FAF2: variants seen among roughly 807,000 people sequenced by gnomAD.
The protein encoded by FAF2 is Fas associated factor family member 2.
Under a neutral mutation model 62.3 loss-of-function variants are expected in FAF2, and 9 were observed. That is an observed-to-expected ratio of 0.14 (90% confidence interval 0.09 to 0.25). The LOEUF is 0.25. Among genes scored for constraint, FAF2 ranks in the 10% least tolerant of loss-of-function variants. The pLI is 1.00. For synonymous variants in FAF2, 202 were observed against 198.0 expected (o/e 1.02, Z -0.17); for missense variants, 368 against 556.2 (o/e 0.66, Z 3.40).
intron 1 of FAF2, among the ~76,000 whole-genome samples, chr5:176,462,693 GT>G (rs1224614560): frequency 2.6e-5 from 4 of 152,142 alleles, no homozygotes; most frequent in Admixed American, 6.5e-5. Flanking sequence ...CTCATGTCAA[GT>G]TTTAAGATTG....
chr5:176,466,868 T>A (rs576340868), intron 1 of FAF2, among the ~76,000 whole-genome samples: 175 of 148,360 alleles, frequency 1.2e-3, no homozygotes, highest in African/African-American at 4.3e-3. Flanking sequence ...CTGTGCATTT[T>A]ACTAGAGATT....
Position 176,479,202 on chromosome 5 carries a change from C to G in FAF2, c.78C>G (p.Ile26Met). 2 of 1,613,792 alleles carry G rather than the reference C, an allele frequency of 1.2e-6. No homozygotes were observed. The highest frequency in any genetic ancestry group is 1.1e-5 in the South Asian group (1 of 91,076). ...KLLQFQDLTG[I>M]ESMDQCRHTL... is the part of the protein sequence containing the mutation. The stretch of plus-strand genomic sequence containing the variant: ...CTTCTTTTCAGGATCTCACTGGCAT[C>G]GAATCTATGGATCAGTGTCGCCATA... Residue 26 changes from isoleucine to methionine, a missense_variant, in exon 2 of 11, where the codon ATC (isoleucine) becomes ATG (methionine). Physicochemically the swap from Ile to Met is conservative, Grantham distance 10. Transcript: ENST00000261942.
At chr5:176,459,231 A>C (rs1758332063) in intron 1 of FAF2, among the ~76,000 whole-genome samples, 1 of 150,560 alleles carries the variant, frequency 6.6e-6, no homozygotes, top group African/African-American at 2.4e-5. Flanking sequence ...GAAAGAAGAA[A>C]GCCAAAATTC....
At chr5:176,464,125 GT>G (rs1434472161) in intron 1 of FAF2, among the ~76,000 whole-genome samples, 18 of 151,456 alleles carry the variant, frequency 1.2e-4, no homozygotes, top group Non-Finnish European at 2.1e-4. Flanking sequence ...TCTTTTTTTT[GT>G]TTCTTTTTTT....
At chr5:176,482,672 C>A (rs1223683781) in intron 2 of FAF2, among the ~76,000 whole-genome samples, 2 of 152,128 alleles carry the variant, frequency 1.3e-5, no homozygotes, top group Non-Finnish European at 2.9e-5. Context: ...CCACATCCAG[C>A]TAATATTTTA....
At chr5:176,493,279 C>T (rs1472221242) in intron 5 of FAF2, among the ~76,000 whole-genome samples, 1 of 152,228 alleles carries the variant, frequency 6.6e-6, no homozygotes, top group Admixed American at 6.5e-5. Context: ...TCAACAAAAA[C>T]TGAGCACCTA....
rs138830956 is a variant in FAF2, at chr5:176,498,848, A to G, written c.840-66A>G. The G allele has an allele frequency of 6.9e-4, 973 of 1,409,666 alleles. 3 individuals carry two copies. In the African/African-American group the frequency reaches 0.013, roughly 18 times the overall value. The allele number at this position is 1,409,666 out of a possible 1,614,324, so 87.3% of individuals were successfully genotyped here. ...ACACACACACACACAGAAGATTTCA[A>G]TATAAGAAAACACAGAACTTTGTGA... On this transcript the variant is annotated intron_variant, in intron 8 of 10. Coordinates refer to ENST00000261942, the MANE Select transcript of FAF2 (RefSeq NM_014613.3).
Position 176,498,896 on chromosome 5 carries a change from CT to C in FAF2, c.840-14del, listed in dbSNP as rs762577455. 6.5e-7 allele frequency: 1 copy of C among 1,529,882 alleles called. No homozygotes were observed. The highest frequency in any genetic ancestry group is 8.8e-7 in the Non-Finnish European group (1 of 1,135,222). The allele number at this position is 1,529,882 out of a possible 1,614,324, so 94.8% of individuals were successfully genotyped here. On this transcript the variant is annotated splice_polypyrimidine_tract_variant and intron_variant, in intron 8 of 10. Transcript: ENST00000261942. ...TGAGAGTGCTGTTTTTCTTCTCTTG[CT>C]TTTGATCTATTCACAGGGAAGAAAG...
Position 176,498,959 on chromosome 5 carries a change from G to A in FAF2, c.885G>A (p.Glu295=), listed in dbSNP as rs766021797. ...QTQVLRQQQD[E]AYLASLRADQ... ...AAGTGCTGAGACAACAGCAGGATGA[G>A]GCCTACCTGGCCTCTCTCAGAGCTG... Residue 295 remains glutamate, a synonymous_variant, in exon 9 of 11, where the codon GAG becomes GAA. Transcript: ENST00000261942. 1.2e-6 allele frequency: 2 copies of A among 1,612,486 alleles called. No homozygotes were observed. The highest frequency in any genetic ancestry group is 1.1e-5 in the South Asian group (1 of 90,886).
chr5:176,451,797 TACATATATATATACAC>T (rs1561813372), intron 1 of FAF2, among the ~76,000 whole-genome samples: 6 of 51,774 alleles, frequency 1.2e-4, no homozygotes, highest in African/African-American at 4.3e-4. Flanking sequence ...TATATATATA[TACATATATATATACAC>T]ACATATATAT....
chr5:176,498,089 C>T (rs1227151814), intron 8 of FAF2, among the ~76,000 whole-genome samples: 1 of 152,046 alleles, frequency 6.6e-6, no homozygotes, highest in Non-Finnish European at 1.5e-5. Flanking sequence ...GTCATGATCG[C>T]ACCACTGCAC....
chr5:176,470,255 C>A (rs1252852193), intron 1 of FAF2, among the ~76,000 whole-genome samples: 2 of 152,242 alleles, frequency 1.3e-5, no homozygotes, highest in African/African-American at 4.8e-5. Flanking sequence ...GCCTCTCACG[C>A]TACCCCATTT....
At chr5:176,481,865 G>A (rs561805300) in intron 2 of FAF2, among the ~76,000 whole-genome samples, 2 of 152,130 alleles carry the variant, frequency 1.3e-5, no homozygotes, top group Non-Finnish European at 1.5e-5. Flanking sequence ...TTTCCTTTGG[G>A]TCTATACCTA....
intron 2 of FAF2, 39 bp downstream of exon 2, chr5:176,479,295 T>C (rs1396909433): frequency 2.0e-6 from 3 of 1,522,314 alleles, no homozygotes; most frequent in Non-Finnish European, 2.7e-6. Flanking sequence ...TCTTTTTCTC[T>C]GGTCTGATTA....
chr5:176,493,890 T>A (rs1480650592), intron 5 of FAF2, 109 bp from the exon 6 acceptor site: 1 of 735,274 alleles, frequency 1.4e-6, no homozygotes, highest in East Asian at 2.5e-5. Context: ...TTTTTCCTTA[T>A]TTTTCCTTTT....
Position 176,494,072 on chromosome 5 carries a change from A to G in FAF2, c.557A>G (p.Asp186Gly). The G allele has an allele frequency of 6.2e-7, 1 of 1,613,692 alleles. No homozygotes were observed. Among genetic ancestry groups the G allele is most frequent in the African/African-American group, 1.3e-5 (1 of 74,998 alleles). ...YLHGDDHQDSDEFCRNTLCAP... is the reference protein window; with the variant it reads ...YLHGDDHQDSGEFCRNTLCAP... ...CATGGAGATGATCACCAGGACTCTGATGAGTTTTGTCGGTAAGTGGATTGA... is the reference window on the plus strand; with the variant it reads ...CATGGAGATGATCACCAGGACTCTGGTGAGTTTTGTCGGTAAGTGGATTGA... Residue 186 changes from aspartate (D) to glycine (G), a missense_variant, in exon 6 of 11, where the codon GAT becomes GGT. By Grantham distance (94) the Asp-to-Gly change is moderately conservative. Coordinates refer to ENST00000261942, the MANE Select transcript of FAF2 (RefSeq NM_014613.3). The surrounding 1 kb of genome is among the most constrained non-coding windows in gnomAD (Gnocchi z 4.0).
chr5:176,508,144 C>T lies in FAF2; in HGVS notation c.*1194C>T, dbSNP rs537992993. ...GGCACATTTTCATTTCTGATGCAGC[C>T]ACCTTCTGGAGGCAGCTTTTATCCT... On this transcript the variant is annotated 3_prime_UTR_variant, in exon 11 of 11. Coordinates refer to ENST00000261942, the MANE Select transcript of FAF2 (RefSeq NM_014613.3). The T allele has an allele frequency of 6.6e-6, 1 of 152,652 alleles. No homozygotes were observed. Among genetic ancestry groups the T allele is most frequent in the Non-Finnish European group, 1.5e-5 (1 of 68,070 alleles). 9.5% of individuals were successfully genotyped at this position (152,652 alleles called of 1,614,324 possible). A position where few individuals can be genotyped will look rare whatever the true frequency, so the allele number is the denominator to read the frequency against.
chr5:176,464,586 G>A (rs757035799), intron 1 of FAF2, among the ~76,000 whole-genome samples: 1 of 147,166 alleles, frequency 6.8e-6, no homozygotes, highest in South Asian at 2.2e-4. Flanking sequence ...TCGACCTCCC[G>A]GACTCAAGTG....
At position 176,492,296 on chromosome 5, in the gene FAF2, G is replaced by A; in HGVS notation, c.447G>A (p.Arg149=). ...FMHSFEEKYG[R]AHPVFYQGTY... ...ACTCTTTTGAAGAGAAATATGGGAG[G>A]GCACACCCTGTCTTCTACCAGGGAA... The change falls in exon 5 of 11, where the codon AGG becomes AGA. Residue 149 remains arginine, a synonymous_variant. Coordinates refer to ENST00000261942, the MANE Select transcript of FAF2 (RefSeq NM_014613.3). 1 of 1,614,012 alleles carries A rather than the reference G, an allele frequency of 6.2e-7. No individual in the cohort carries two copies.
Sources: allele counts gnomAD v4.1 joint callset (sites outside exome capture counted in the v4.1 genomes callset), GRCh38; gene constraint gnomAD v4.1.1; non-coding constraint Gnocchi (gnomAD v3.1); transcripts MANE v1.5; gene names NCBI Gene and HGNC (gene_info 2026-07-23, HGNC 2026-07-21).